Variants in DNAH14 observed in about 807,000 individuals in gnomAD.
DNAH14 encodes the protein dynein axonemal heavy chain 14, also known as axonemal beta dynein heavy chain 14.
Under a neutral mutation model 520.9 loss-of-function variants are expected in DNAH14, and 478 were observed. The ratio of observed to expected loss-of-function variants is 0.92; its 90% CI spans 0.85 to 0.99. The LOEUF is 0.99. DNAH14 is among the 50% of genes least tolerant of loss of function. The pLI, the probability that DNAH14 is intolerant of heterozygous loss-of-function variation, is 0.00. For synonymous variants in DNAH14, 1,581 were observed against 1,757.2 expected (o/e 0.90, Z 2.51); for missense variants, 4,831 against 5,234.5 (o/e 0.92, Z 2.38).
rs1431546811 is a variant in DNAH14 at position 225,367,823 on chromosome 1, C to T, written c.12109C>T (p.Gln4037Ter). 1 of 1,551,060 alleles carries T rather than the reference C, an allele frequency of 6.4e-7. No homozygotes were observed. The highest frequency in any genetic ancestry group is 2.0e-5 in the Admixed American group (1 of 50,972). Residue 4037 changes from glutamine (Q) to a stop codon, truncating the protein, a stop_gained, in exon 77 of 86, where the codon CAG (glutamine) becomes TAG (stop). Coordinates refer to ENST00000682510, the MANE Select transcript of DNAH14 (RefSeq NM_001367479.1). LOFTEE classifies it high-confidence loss of function. ...KGLKIAVESP[Q>*]GLKSNLLQTF... ...TTTCAAGATTGCCGTGGAATCTCCC[C>T]AGGGATTGAAAAGTAACTTACTTCA...
Position 225,265,037 on chromosome 1 carries a change from A to G in DNAH14, c.7223-145A>G, listed in dbSNP as rs371381980. On this transcript the variant is annotated intron_variant, in intron 47 of 85. Coordinates refer to ENST00000682510, the MANE Select transcript of DNAH14 (RefSeq NM_001367479.1). ...CCATAAAATAGCAAAGAAATATTCC[A>G]AAGTTCTATCGGAGTAATTTCTTGA... 32 of 635,856 alleles carry G rather than the reference A, an allele frequency of 5.0e-5. No homozygotes were observed. The East Asian group carries it at 5.2e-4, about 10-fold the overall frequency. 39.4% of individuals were successfully genotyped at this position (635,856 alleles called of 1,614,324 possible).
Position 225,368,039 on chromosome 1 carries a change from G to A in DNAH14, c.12318+7G>A. 1 of 1,537,120 alleles carries A rather than the reference G, an allele frequency of 6.5e-7. No homozygotes were observed. Among genetic ancestry groups the A allele is most frequent in the Non-Finnish European group, 8.8e-7 (1 of 1,138,936 alleles). ...TAATTCTTCAGACTTGGGGGTAAGT[G>A]TAGTCTCTTCAAACAAACAACAAAT... On this transcript the variant is annotated splice_region_variant and intron_variant, in intron 77 of 85. Transcript: ENST00000682510.
At position 225,159,352 on chromosome 1, in the gene DNAH14, T is replaced by G. The variant is rs1456664544; in HGVS notation, c.5312T>G (p.Leu1771Trp). Residue 1771 changes from leucine to tryptophan, a missense_variant, in exon 35 of 86, where the codon TTG (leucine) becomes TGG (tryptophan). By Grantham distance (61) the Leu-to-Trp change is moderately conservative. Coordinates refer to ENST00000682510, the MANE Select transcript of DNAH14 (RefSeq NM_001367479.1). Reference sequence around the variant, plus strand: ...AGTCTTTCTGAAGCAGATGAAACCTTGATTGTTATCGAGGCTATAAGAGAA... The same window carrying G: ...AGTCTTTCTGAAGCAGATGAAACCTGGATTGTTATCGAGGCTATAAGAGAA... ...SDSLSEADETLIVIEAIREAS... is the reference protein window; with the variant it reads ...SDSLSEADETWIVIEAIREAS... The G allele has an allele frequency of 6.4e-7, 1 of 1,551,498 alleles. No homozygotes were observed. Among genetic ancestry groups the G allele is most frequent in the Middle Eastern group, 1.7e-4 (1 of 5,996 alleles).
At chr1:225,143,893 G>T (rs892923158) in intron 28 of DNAH14, among the ~76,000 whole-genome samples, 1 of 152,120 alleles carries the variant, frequency 6.6e-6, no homozygotes, top group Non-Finnish European at 1.5e-5. Context: ...AAACCTTCTA[G>T]ATGTGAACAT....
At chr1:225,129,317 C>T (rs1184691519) in intron 27 of DNAH14, among the ~76,000 whole-genome samples, 3 of 152,122 alleles carry the variant, frequency 2.0e-5, no homozygotes, top group African/African-American at 7.2e-5. Context: ...GAAAAAACTA[C>T]TTTAAAGTTC....
intron 10 of DNAH14, among the ~76,000 whole-genome samples, chr1:225,009,971 C>T (rs2064565357): frequency 6.6e-6 from 1 of 152,164 alleles, no homozygotes; most frequent in Non-Finnish European, 1.5e-5. Context: ...GCTGAAGTTG[C>T]TTATCAGGTT....
At chr1:225,030,187 A>G (rs2066424904) in intron 11 of DNAH14, among the ~76,000 whole-genome samples, 1 of 151,930 alleles carries the variant, frequency 6.6e-6, no homozygotes, top group South Asian at 2.1e-4. Flanking sequence ...AAATTAGAAT[A>G]AAATACAGTT....
chr1:225,381,796 G>A (rs1206295578), intron 81 of DNAH14, among the ~76,000 whole-genome samples: 1 of 152,222 alleles, frequency 6.6e-6, no homozygotes, highest in Non-Finnish European at 1.5e-5. Context: ...CTCACTATCT[G>A]TGTATGTGAA....
At chr1:225,213,100 G>A (rs1426968236) in intron 41 of DNAH14, among the ~76,000 whole-genome samples, 1 of 152,186 alleles carries the variant, frequency 6.6e-6, no homozygotes, top group Non-Finnish European at 1.5e-5. Flanking sequence ...ATGTAAGGAA[G>A]TGATCCAGTT....
At chr1:225,359,128 A>G (rs1245961234) in intron 74 of DNAH14, among the ~76,000 whole-genome samples, 1 of 152,210 alleles carries the variant, frequency 6.6e-6, no homozygotes, top group Non-Finnish European at 1.5e-5. Flanking sequence ...TCTGTGTTTA[A>G]AATATTTTCC....
chr1:225,389,177 A>T (rs1426517557), intron 82 of DNAH14, among the ~76,000 whole-genome samples: 1 of 152,270 alleles, frequency 6.6e-6, no homozygotes, highest in East Asian at 1.9e-4. Flanking sequence ...CTTTACTCAC[A>T]GAAGCCCACT....
At chr1:225,191,479 C>T (rs2085431745) in intron 37 of DNAH14, among the ~76,000 whole-genome samples, 1 of 151,976 alleles carries the variant, frequency 6.6e-6, no homozygotes, top group Non-Finnish European at 1.5e-5. Context: ...CTCTCTCCTG[C>T]TACTTTCAAG....
intron 23 of DNAH14, among the ~76,000 whole-genome samples, chr1:225,113,120 C>G (rs1230311691): frequency 1.3e-5 from 2 of 152,072 alleles, no homozygotes; most frequent in Admixed American, 1.3e-4. Context: ...CGTTCTTGGG[C>G]AGGCCTTCCA....
intron 41 of DNAH14, among the ~76,000 whole-genome samples, chr1:225,222,942 T>G (rs2090186122): frequency 6.6e-6 from 1 of 152,156 alleles, no homozygotes; most frequent in African/African-American, 2.4e-5. Flanking sequence ...ATCTCTGATA[T>G]TATGGGCTTT....
At chr1:225,184,508 T>C (rs1430388367) in intron 36 of DNAH14, among the ~76,000 whole-genome samples, 1 of 152,036 alleles carries the variant, frequency 6.6e-6, no homozygotes, top group Non-Finnish European at 1.5e-5. Flanking sequence ...TAGTCCCACA[T>C]ACTCAGGAGG....
intron 76 of DNAH14, among the ~76,000 whole-genome samples, chr1:225,366,286 A>T (rs1352552895): frequency 6.6e-6 from 1 of 152,242 alleles, no homozygotes; most frequent in African/African-American, 2.4e-5. Context: ...GATAGTGTTT[A>T]TAAATTTCAT....
intron 23 of DNAH14, among the ~76,000 whole-genome samples, chr1:225,102,401 T>C (rs1367080637): frequency 6.6e-6 from 1 of 152,198 alleles, no homozygotes; most frequent in African/African-American, 2.4e-5. Context: ...TTTGGGTATA[T>C]ACCCAGTAAT....
In DNAH14 at chr1:225,103,952, C is replaced by T. The variant is rs536918416; in HGVS notation, c.3867+3068C>T. Among the ~76,000 whole-genome samples, 456 of 152,234 alleles carry T rather than the reference C, an allele frequency of 3.0e-3. 4 individuals are homozygous for T. The highest frequency in any genetic ancestry group is 0.01 in the African/African-American group (426 of 41,554). ...GTTGAATAGGAGTGGTGAGAGAGGG[C>T]ATCCCTGTCTTGTGCCAGTTTTCAA... On this transcript the variant is annotated intron_variant, in intron 23 of 85. Coordinates refer to ENST00000682510, the MANE Select transcript of DNAH14 (RefSeq NM_001367479.1).
chr1:225,355,672 AT>A (rs2095421983), intron 73 of DNAH14, among the ~76,000 whole-genome samples: 1 of 152,234 alleles, frequency 6.6e-6, no homozygotes, highest in Non-Finnish European at 1.5e-5. Flanking sequence ...TTTTAAAAAA[AT>A]ATATGTATAC....
Sources: gnomAD v4.1 joint callset for allele counts (sites outside exome capture counted in the v4.1 genomes callset) on GRCh38, gnomAD v4.1.1 for gene constraint, MANE v1.5 for transcripts, NCBI Gene and HGNC (gene_info 2026-07-23, HGNC 2026-07-21) for gene names.